NUMB: variants seen among roughly 807,000 people sequenced by gnomAD.
The protein encoded by NUMB is NUMB endocytic adaptor protein.
A neutral mutation model predicts 59.7 loss-of-function variants in NUMB; 29 were observed. The ratio of observed to expected loss-of-function variants is 0.49; its 90% CI spans 0.36 to 0.66. The LOEUF (loss-of-function observed/expected upper bound fraction) is 0.66, where lower values mean the gene tolerates loss of function less well. Among genes scored for constraint, NUMB ranks in the 30% least tolerant of loss-of-function variants. NUMB has a pLI of 0.00. For synonymous variants in NUMB, 288 were observed against 288.2 expected, an observed-to-expected ratio of 1.00 and a Z score of 0.01; for missense variants, 723 against 822.0, an observed-to-expected ratio of 0.88 and a Z score of 1.47.
At chr14:73,294,365 G>A (rs1477705897) in intron 7 of NUMB, among the ~76,000 whole-genome samples, 3 of 151,954 alleles carry the variant, frequency 2.0e-5, no homozygotes, top group Non-Finnish European at 2.9e-5. Context: ...GTCACCATAC[G>A]TAGGTAATCA....
intron 4 of NUMB, among the ~76,000 whole-genome samples, chr14:73,346,090 A>C (rs1344878039): frequency 2.0e-5 from 3 of 152,178 alleles, no homozygotes; most frequent in Non-Finnish European, 4.4e-5. Context: ...AGAACTCTTG[A>C]AAAAGTTCTG....
At chr14:73,300,809 C>T (rs989438290) in intron 6 of NUMB, among the ~76,000 whole-genome samples, 1 of 152,114 alleles carries the variant, frequency 6.6e-6, no homozygotes, top group Non-Finnish European at 1.5e-5. Context: ...TCCCCCCTCC[C>T]CTCACCCCAC....
chr14:73,386,867 ATTTTTTTTTTTTTT>A (rs71112745), intron 2 of NUMB, among the ~76,000 whole-genome samples: 26,219 of 80,536 alleles, frequency 0.33, 3,021 homozygotes, highest in Middle Eastern at 0.41. Flanking sequence ...CAGGTGTCTT[ATTTTTTTTTTTTTT>A]TTTTTTTTTT....
intron 2 of NUMB, among the ~76,000 whole-genome samples, chr14:73,371,663 G>A (rs763732060): frequency 6.6e-6 from 1 of 152,182 alleles, no homozygotes; most frequent in Non-Finnish European, 1.5e-5. Flanking sequence ...CAATGTTACA[G>A]TATTAAGAGG....
intron 1 of NUMB, among the ~76,000 whole-genome samples, chr14:73,445,938 T>C (rs1207303127): frequency 6.6e-6 from 1 of 151,912 alleles, no homozygotes; most frequent in Admixed American, 6.6e-5. Context: ...ATAAAAGTCC[T>C]GACTGCAAAA....
At position 73,323,114 on chromosome 14, in the gene NUMB, A is replaced by G; in HGVS notation, c.201+16T>C. On this transcript the variant is annotated intron_variant, in intron 5 of 12. Transcript: ENST00000555238. ...GATAGCATATAGATCAACACTGGCAACCATCAAATACATACAGCTTTCAAT... is the reference window on the plus strand; with the variant it reads ...GATAGCATATAGATCAACACTGGCAGCCATCAAATACATACAGCTTTCAAT... 2 of 1,594,768 alleles carry G rather than the reference A, an allele frequency of 1.3e-6. No homozygotes were observed. Among genetic ancestry groups the G allele is most frequent in the Non-Finnish European group, 1.7e-6 (2 of 1,163,300 alleles).
At chr14:73,327,972 C>CT (rs1452379538) in intron 4 of NUMB, among the ~76,000 whole-genome samples, 1 of 152,132 alleles carries the variant, frequency 6.6e-6, no homozygotes, top group Non-Finnish European at 1.5e-5. Flanking sequence ...ATAATTTTGC[C>CT]TTTTAAAGAA....
intron 2 of NUMB, among the ~76,000 whole-genome samples, chr14:73,396,377 T>G (rs998569144): frequency 6.6e-6 from 1 of 151,012 alleles, no homozygotes; most frequent in Non-Finnish European, 1.5e-5. Flanking sequence ...CAACAAGGTC[T>G]TGCTCTGTGG....
chr14:73,342,993 A>G (rs1892719176), intron 4 of NUMB, among the ~76,000 whole-genome samples: 1 of 142,544 alleles, frequency 7.0e-6, no homozygotes, highest in Non-Finnish European at 1.5e-5. Flanking sequence ...TGTCTGGCTA[A>G]TTTTTTCTGT....
At chr14:73,421,380 T>C (rs1897341226) in intron 1 of NUMB, among the ~76,000 whole-genome samples, 1 of 152,038 alleles carries the variant, frequency 6.6e-6, no homozygotes, top group African/African-American at 2.4e-5. Context: ...AGACGGGGTT[T>C]CACCATGTTG....
At chr14:73,412,709 C>T (rs1442971548) in intron 1 of NUMB, among the ~76,000 whole-genome samples, 1 of 151,836 alleles carries the variant, frequency 6.6e-6, no homozygotes, top group Non-Finnish European at 1.5e-5. Context: ...CTCACTGTAG[C>T]CTGAACCTCC....
rs751838172 is a variant in NUMB, at chr14:73,282,442, A to G, written c.1013T>C (p.Phe338Ser). ...TGAGAAGGGGTCCTCAGGTGTGCTG[A>G]AGGCATTGGTGATCTGTGAGCACAG... ...SSLCSQITNA[F>S]STPEDPFSSA... The change falls in exon 11 of 13, where the codon TTC (phenylalanine) becomes TCC (serine). Residue 338 changes from phenylalanine to serine, a missense_variant. Phe to Ser is a radical substitution (Grantham distance 155). Around this residue, in one of 2 missense-constraint regions of NUMB, gnomAD observed 317 missense variants for 436.6 expected, o/e 0.73. Coordinates refer to ENST00000555238, the MANE Select transcript of NUMB (RefSeq NM_001005743.2). 6.2e-7 allele frequency: 1 copy of G among 1,614,164 alleles called. No homozygotes were observed.
chr14:73,282,215 C>A, intron 11 of NUMB, 144 bp downstream of exon 11: 7 of 654,948 alleles, frequency 1.1e-5, no homozygotes, highest in Non-Finnish European at 1.7e-5. Context: ...ATGGAGAAAT[C>A]AATGAATCTA....
intron 2 of NUMB, among the ~76,000 whole-genome samples, chr14:73,368,208 A>G (rs1479813866): frequency 6.6e-6 from 1 of 152,164 alleles, no homozygotes; most frequent in Non-Finnish European, 1.5e-5. Flanking sequence ...ATTCAGCTAT[A>G]TATTAAATAT....
At chr14:73,296,968 G>C in intron 7 of NUMB, among the ~76,000 whole-genome samples, 1 of 152,186 alleles carries the variant, frequency 6.6e-6, no homozygotes, top group East Asian at 1.9e-4. Flanking sequence ...AGGAGTTCGA[G>C]ACCAGCCTGA....
chr14:73,335,051 A>G (rs372062104), intron 4 of NUMB, among the ~76,000 whole-genome samples: 21 of 151,646 alleles, frequency 1.4e-4, no homozygotes, highest in African/African-American at 5.1e-4. Flanking sequence ...TATCTGTAGT[A>G]TTATATACCT....
At position 73,384,997 on chromosome 14, in the gene NUMB, G is replaced by A. The variant is rs531870249; in HGVS notation, c.-100-18016C>T. Among the ~76,000 whole-genome samples, 14 of 149,470 alleles carry A rather than the reference G, an allele frequency of 9.4e-5. No individual in the cohort carries two copies. The South Asian group carries it at 1.7e-3, about 18-fold the overall frequency. ...TAACCTCTGCCTCCCAGGTTCAAGC[G>A]ATTCTCCTGCCTTAGCCTCCTGAGT... On this transcript the variant is annotated intron_variant, in intron 2 of 12. Coordinates refer to ENST00000555238, the MANE Select transcript of NUMB (RefSeq NM_001005743.2).
At chr14:73,405,900 T>C (rs771830628) in intron 2 of NUMB, among the ~76,000 whole-genome samples, 22 of 152,124 alleles carry the variant, frequency 1.4e-4, no homozygotes, top group Non-Finnish European at 2.1e-4. Flanking sequence ...ATTGGCATAA[T>C]AAAAACTCTG....
At chr14:73,453,573 A>G (rs1458131810) in intron 1 of NUMB, among the ~76,000 whole-genome samples, 1 of 152,054 alleles carries the variant, frequency 6.6e-6, no homozygotes, top group East Asian at 1.9e-4. Context: ...TCTTATAATA[A>G]AATTTATAAT....
Sources: allele counts gnomAD v4.1 joint callset (sites outside exome capture counted in the v4.1 genomes callset), GRCh38; gene constraint gnomAD v4.1.1; regional missense constraint gnomAD v4.1.1; transcripts MANE v1.5; gene names NCBI Gene and HGNC (gene_info 2026-07-23, HGNC 2026-07-21).